GULP1: variants seen among roughly 807,000 people sequenced by gnomAD.
GULP1 encodes PTB domain-containing engulfment adapter protein 1.
GULP1 carries 19 observed loss-of-function variants against 40.9 expected under a neutral mutation model. The observed-to-expected ratio is 0.46, with a 90% CI of 0.32 to 0.68. The LOEUF is 0.68. Among genes scored for constraint, GULP1 ranks in the 30% least tolerant of loss-of-function variants. The pLI is 0.03. For missense variants in GULP1, 312 were observed against 362.2 expected (o/e 0.86, Z 1.12); for synonymous variants, 119 against 117.6 (o/e 1.01, Z -0.08).
intron 2 of GULP1, among the ~76,000 whole-genome samples, chr2:188,412,464 T>TA (rs2054025908): frequency 6.6e-6 from 1 of 152,096 alleles, no homozygotes; most frequent in African/African-American, 2.4e-5. Context: ...CCAAAGTAGC[T>TA]GGTGGCAATC....
chr2:188,376,024 G>C (rs928005214), intron 1 of GULP1, among the ~76,000 whole-genome samples: 2 of 151,942 alleles, frequency 1.3e-5, no homozygotes, highest in Non-Finnish European at 2.9e-5. Context: ...GTGAATACCA[G>C]TACTTTCCAT....
intron 4 of GULP1, among the ~76,000 whole-genome samples, chr2:188,496,612 A>G (rs938020152): frequency 2.0e-5 from 3 of 151,974 alleles, no homozygotes; most frequent in African/African-American, 4.8e-5. Flanking sequence ...TAAGCAATGA[A>G]CTTAGAATTT....
At chr2:188,439,979 G>A (rs547481200) in intron 2 of GULP1, among the ~76,000 whole-genome samples, 5 of 152,208 alleles carry the variant, frequency 3.3e-5, no homozygotes, top group East Asian at 1.9e-4. Context: ...CCAAAATAGA[G>A]TACCACCAAA....
chr2:188,316,384 A>T (rs1174201781), intron 1 of GULP1, among the ~76,000 whole-genome samples: 1 of 151,836 alleles, frequency 6.6e-6, no homozygotes, highest in Admixed American at 6.6e-5. Context: ...ACAGTTGCAC[A>T]CTCACTTCTG....
intron 6 of GULP1, among the ~76,000 whole-genome samples, chr2:188,537,703 T>C (rs1346031385): frequency 6.6e-6 from 1 of 152,100 alleles, no homozygotes; most frequent in Non-Finnish European, 1.5e-5. Flanking sequence ...TTTTGTCGAA[T>C]GAGTTAGAGA....
chr2:188,405,238 A>G (rs2052899917), intron 2 of GULP1, among the ~76,000 whole-genome samples: 1 of 151,978 alleles, frequency 6.6e-6, no homozygotes, highest in Non-Finnish European at 1.5e-5. Context: ...TCAGGCTCCA[A>G]GTTGGTCCCC....
intron 1 of GULP1, chr2:188,297,689 A>G (rs1052846995): frequency 3.5e-6 from 1 of 289,300 alleles, no homozygotes; most frequent in Non-Finnish European, 7.1e-6. Context: ...TTCAGAGCAT[A>G]CATAATCTAC....
At chr2:188,462,688 T>G (rs1163771786) in intron 2 of GULP1, among the ~76,000 whole-genome samples, 1 of 152,126 alleles carries the variant, frequency 6.6e-6, no homozygotes, top group Non-Finnish European at 1.5e-5. Flanking sequence ...TGTCTTTTCT[T>G]ACAGTTTCTT....
rs745413094 is a variant in GULP1, at chr2:188,529,142, G to C, written c.208G>C (p.Val70Leu). ...KKSEGQKIPKVELQISIYGVK... is the reference protein window; with the variant it reads ...KKSEGQKIPKLELQISIYGVK... ...ATCTGAAGGCCAGAAAATTCCTAAA[G>C]TGGAGTTGCAAATATCAATTTATGG... is the stretch of plus-strand genomic sequence containing the variant. Residue 70 changes from valine (V) to leucine (L), a missense_variant, in exon 6 of 12, where the codon GTG becomes CTG. Coordinates refer to ENST00000409830, the MANE Select transcript of GULP1 (RefSeq NM_016315.4). The C allele has an allele frequency of 6.3e-7, 1 of 1,589,870 alleles. No homozygotes were observed. The highest frequency in any genetic ancestry group is 1.7e-5 in the Admixed American group (1 of 58,002).
chr2:188,552,492 T>C (rs1693727158), intron 7 of GULP1, among the ~76,000 whole-genome samples: 1 of 151,956 alleles, frequency 6.6e-6, no homozygotes, highest in Admixed American at 6.6e-5. Context: ...TTCTGAGTTC[T>C]TTATTCTATT....
intron 1 of GULP1, among the ~76,000 whole-genome samples, chr2:188,319,076 T>G (rs896519972): frequency 6.6e-5 from 10 of 152,306 alleles, no homozygotes; most frequent in African/African-American, 2.2e-4. Flanking sequence ...GCTAGCAAAT[T>G]CCTTTATTGG....
intron 1 of GULP1, among the ~76,000 whole-genome samples, chr2:188,352,915 A>G (rs1028113869): frequency 6.6e-6 from 1 of 152,162 alleles, no homozygotes; most frequent in Non-Finnish European, 1.5e-5. Context: ...TTGATGAAGC[A>G]CTTAAACATA....
rs1442954740 is a variant in GULP1, at chr2:188,361,477, G to A, written c.-171-22286G>A. 2.0e-5 allele frequency among the ~76,000 whole-genome samples: 3 copies of A among 152,040 alleles called. No homozygotes were observed. The East Asian group carries it at 5.8e-4, about 29-fold the overall frequency. On this transcript the variant is annotated intron_variant, in intron 1 of 11. Coordinates refer to ENST00000409830, the MANE Select transcript of GULP1 (RefSeq NM_016315.4). Reference sequence around the variant, plus strand: ...TTATGTAAGATCTATAGGTCTGTAAGTGTTGGCGGAAACTATGAAATGATT... The same window carrying A: ...TTATGTAAGATCTATAGGTCTGTAAATGTTGGCGGAAACTATGAAATGATT...
chr2:188,407,562 T>C (rs932430430), intron 2 of GULP1, among the ~76,000 whole-genome samples: 2 of 152,200 alleles, frequency 1.3e-5, no homozygotes, highest in Non-Finnish European at 2.9e-5. Context: ...AAATTAATTT[T>C]ATCAGTTTAA....
intron 6 of GULP1, among the ~76,000 whole-genome samples, chr2:188,531,892 A>T (rs79419265): frequency 0.021 from 3,200 of 152,294 alleles, 104 homozygotes; most frequent in African/African-American, 0.073. Context: ...TTAAAAGGAT[A>T]TAGAGTGGTA....
chr2:188,295,673 A>G (rs1161873620), intron 1 of GULP1, among the ~76,000 whole-genome samples: 1 of 152,150 alleles, frequency 6.6e-6, no homozygotes, highest in Non-Finnish European at 1.5e-5. Flanking sequence ...AATTGTTTAA[A>G]GGATAAAGTC....
chr2:188,583,163 G>A (rs1701663526), intron 9 of GULP1, among the ~76,000 whole-genome samples: 1 of 151,648 alleles, frequency 6.6e-6, no homozygotes, highest in African/African-American at 2.4e-5. Flanking sequence ...AGGGGTGAGG[G>A]GATACAATAA....
intron 2 of GULP1, among the ~76,000 whole-genome samples, chr2:188,413,570 T>C (rs927609456): frequency 1.3e-5 from 2 of 152,202 alleles, no homozygotes; most frequent in Non-Finnish European, 2.9e-5. Context: ...TTAAGGTCTT[T>C]GTATATATCT....
At chr2:188,375,093 C>T (rs1290602198) in intron 1 of GULP1, among the ~76,000 whole-genome samples, 1 of 152,124 alleles carries the variant, frequency 6.6e-6, no homozygotes, top group Admixed American at 6.6e-5. Flanking sequence ...ACTGTTTCCT[C>T]ATCTGTGAAA....
Sources: gnomAD v4.1 joint callset for allele counts (sites outside exome capture counted in the v4.1 genomes callset) on GRCh38, gnomAD v4.1.1 for gene constraint, MANE v1.5 for transcripts, NCBI Gene and HGNC (gene_info 2026-07-23, HGNC 2026-07-21) for gene names.